SCML4: variants seen among roughly 807,000 people sequenced by gnomAD.
SCML4 encodes Scm polycomb group protein like 4.
In SCML4, 34 loss-of-function variants were observed where a neutral mutation model predicts 41.1. The observed-to-expected ratio is 0.83, with a 90% CI of 0.63 to 1.10. SCML4 has a LOEUF of 1.10. Ranked by LOEUF, SCML4 falls within the 50% of genes least tolerant of loss-of-function variation. The probability of loss-of-function intolerance (pLI) is 0.00; values close to 1 mark genes in which losing one functional copy is unlikely to be tolerated. For synonymous variants in SCML4, 214 were observed against 220.9 expected, an observed-to-expected ratio of 0.97 and a Z score of 0.28; for missense variants, 522 against 534.1, an observed-to-expected ratio of 0.98 and a Z score of 0.22.
At chr6:107,727,506 G>C (rs894022510) in intron 5 of SCML4, among the ~76,000 whole-genome samples, 3 of 152,212 alleles carry the variant, frequency 2.0e-5, no homozygotes, top group African/African-American at 4.8e-5. Flanking sequence ...GTGCAGTCAA[G>C]TGTAACAAAC....
chr6:107,762,241 GA>G (rs1779657344), intron 2 of SCML4, among the ~76,000 whole-genome samples: 1 of 151,768 alleles, frequency 6.6e-6, no homozygotes, highest in East Asian at 1.9e-4. Flanking sequence ...ACAGAAAACA[GA>G]ACGCTTGACT....
chr6:107,831,604 G>T, the SCML4 span, among the ~76,000 whole-genome samples: 1 of 152,102 alleles, frequency 6.6e-6, no homozygotes. Context: ...GCAAGTAACA[G>T]TAAAAACAGC....
intron 6 of SCML4, among the ~76,000 whole-genome samples, chr6:107,714,181 GGCCT>G (rs1395750133): frequency 6.6e-6 from 1 of 152,144 alleles, no homozygotes; most frequent in Non-Finnish European, 1.5e-5. Context: ...GAGACCAGCT[GGCCT>G]GCCTGTGTGA....
chr6:107,732,661 C>T (rs554611846), intron 5 of SCML4, among the ~76,000 whole-genome samples: 1 of 152,194 alleles, frequency 6.6e-6, no homozygotes, highest in South Asian at 2.1e-4. Flanking sequence ...TCTGTGCTCT[C>T]GGGAGGAGAG....
At chr6:107,766,085 G>C (rs926867743) in intron 2 of SCML4, among the ~76,000 whole-genome samples, 3 of 152,190 alleles carry the variant, frequency 2.0e-5, no homozygotes, top group African/African-American at 7.2e-5. Context: ...AAGAGGTCAA[G>C]GTTGGCCGGG....
chr6:107,705,347 A>G (rs1454581575), intron 7 of SCML4, 22 bp from the exon 8 acceptor site: 1 of 1,550,810 alleles, frequency 6.4e-7, no homozygotes, highest in Non-Finnish European at 8.7e-7. Flanking sequence ...GGATCAGAAG[A>G]AAGATAAACC....
the SCML4 span, among the ~76,000 whole-genome samples, chr6:107,842,282 T>A: frequency 6.6e-6 from 1 of 152,202 alleles, no homozygotes; most frequent in African/African-American, 2.4e-5. Flanking sequence ...AAGCACATAC[T>A]TTGTGAAATT....
chr6:107,724,910 G>A (rs1775802220), intron 5 of SCML4, among the ~76,000 whole-genome samples: 1 of 152,152 alleles, frequency 6.6e-6, no homozygotes, highest in African/African-American at 2.4e-5. Context: ...CAATGTGGGA[G>A]GTCATCATGT....
At chr6:107,788,596 A>G (rs945564522) in intron 1 of SCML4, among the ~76,000 whole-genome samples, 1 of 152,162 alleles carries the variant, frequency 6.6e-6, no homozygotes, top group Non-Finnish European at 1.5e-5. Context: ...TTTTCTACAG[A>G]GCATCACGTT....
At chr6:107,755,312 C>T (rs187687881) in intron 2 of SCML4, among the ~76,000 whole-genome samples, 30 of 152,230 alleles carry the variant, frequency 2.0e-4, no homozygotes, top group Non-Finnish European at 3.8e-4. Flanking sequence ...GAAAAAGTCA[C>T]GAGCAACTAT....
At chr6:107,834,081 G>A in the SCML4 span, among the ~76,000 whole-genome samples, 1 of 152,204 alleles carries the variant, frequency 6.6e-6, no homozygotes, top group Non-Finnish European at 1.5e-5. Context: ...CAAAGTGGAT[G>A]AGCAAGAGGT....
At chr6:107,764,713 C>T (rs1310965724) in intron 2 of SCML4, among the ~76,000 whole-genome samples, 1 of 152,090 alleles carries the variant, frequency 6.6e-6, no homozygotes, top group African/African-American at 2.4e-5. Flanking sequence ...TCACTGTGTC[C>T]CCACCCAAAT....
At position 107,749,717 on chromosome 6, in the gene SCML4, C is replaced by G; in HGVS notation, c.253G>C (p.Val85Leu). 6.2e-7 allele frequency: 1 copy of G among 1,614,022 alleles called. No individual in the cohort carries two copies. Among genetic ancestry groups the G allele is most frequent in the East Asian group, 2.2e-5 (1 of 44,872 alleles). Residue 85 changes from valine (V) to leucine (L), a missense_variant, in exon 3 of 8, where the codon GTC (valine) becomes CTC (leucine). Transcript: ENST00000369020. ...LSSIPQDAAT[V>L]PSLAAPQALT... The stretch of plus-strand genomic sequence containing the variant: ...GCCTGTGGGGCCGCCAAGCTGGGGA[C>G]CGTGGCTGCGTCCTGAGGGATGGAG...
chr6:107,708,721 G>A (rs916979277), intron 6 of SCML4, among the ~76,000 whole-genome samples: 2 of 152,202 alleles, frequency 1.3e-5, no homozygotes, highest in Non-Finnish European at 2.9e-5. Context: ...TGACCGCAAA[G>A]GGCCTAACCT....
intron 1 of SCML4, among the ~76,000 whole-genome samples, chr6:107,775,532 T>C (rs1445637163): frequency 6.6e-6 from 1 of 152,234 alleles, no homozygotes; most frequent in Non-Finnish European, 1.5e-5. Flanking sequence ...TCTCAGACCC[T>C]TCACAGTTCT....
At chr6:107,766,501 T>C (rs1309845813) in intron 2 of SCML4, among the ~76,000 whole-genome samples, 4 of 152,180 alleles carry the variant, frequency 2.6e-5, no homozygotes, top group Non-Finnish European at 4.4e-5. Context: ...TATTATCGAA[T>C]TTAGCAAGGA....
At chr6:107,752,064 T>C (rs892804403) in intron 2 of SCML4, among the ~76,000 whole-genome samples, 1 of 152,126 alleles carries the variant, frequency 6.6e-6, no homozygotes, top group Non-Finnish European at 1.5e-5. Flanking sequence ...TGATGAGAAG[T>C]AGACAGATCC....
At chr6:107,789,142 A>C (rs1410049841) in intron 1 of SCML4, among the ~76,000 whole-genome samples, 1 of 152,176 alleles carries the variant, frequency 6.6e-6, no homozygotes, top group Non-Finnish European at 1.5e-5. Flanking sequence ...GTACTGCAAG[A>C]CCAAGGTCAA....
chr6:107,826,932 A>G (rs12214608), upstream of SCML4, among the ~76,000 whole-genome samples: 375 of 152,076 alleles, frequency 2.5e-3, 1 homozygote, highest in Non-Finnish European at 3.7e-3. Context: ...GAGTGGTGGC[A>G]GGCGCCTGTA....
Sources: gnomAD v4.1 joint callset for allele counts (sites outside exome capture counted in the v4.1 genomes callset) on GRCh38, gnomAD v4.1.1 for gene constraint, MANE v1.5 for transcripts, NCBI Gene and HGNC (gene_info 2026-07-23, HGNC 2026-07-21) for gene names.